Variants in SPTSSA observed in about 807,000 individuals in gnomAD.
SPTSSA encodes small subunit of serine palmitoyltransferase A.
SPTSSA carries 8 observed loss-of-function variants against 9.1 expected under a neutral mutation model. The observed-to-expected ratio is 0.88, with a 90% CI of 0.51 to 1.58. The LOEUF is 1.58. Ranked by LOEUF, SPTSSA falls within the 40% of genes most tolerant of loss-of-function variation. The pLI is 0.00. For synonymous variants in SPTSSA, 42 were observed against 37.7 expected, an observed-to-expected ratio of 1.11 and a Z score of -0.41; for missense variants, 100 against 93.8, an observed-to-expected ratio of 1.07 and a Z score of -0.27.
intron 1 of SPTSSA, among the ~76,000 whole-genome samples, chr14:34,448,665 A>G (rs1883467272): frequency 1.3e-5 from 2 of 152,174 alleles, no homozygotes; most frequent in Non-Finnish European, 1.5e-5. Context: ...GCCCACTTCC[A>G]TACTATGGAG....
intron 1 of SPTSSA, among the ~76,000 whole-genome samples, chr14:34,453,540 G>C (rs1883563090): frequency 6.6e-6 from 1 of 152,182 alleles, no homozygotes; most frequent in African/African-American, 2.4e-5. Context: ...GCAGCTTCCA[G>C]TGAAGCTGAG....
Position 34,462,236 on chromosome 14 carries a change from A to G in SPTSSA, c.-29T>C. 1.4e-6 allele frequency: 2 copies of G among 1,466,852 alleles called. No homozygotes were observed. The highest frequency in any genetic ancestry group is 1.8e-6 in the Non-Finnish European group (2 of 1,090,988). 90.9% of individuals were successfully genotyped at this position (1,466,852 alleles called of 1,614,324 possible). A position where few individuals can be genotyped will look rare whatever the true frequency, so the allele number is the denominator to read the frequency against. On this transcript the variant is annotated 5_prime_UTR_variant, in exon 1 of 2. Transcript: ENST00000298130. ...CCTCCCGCGATGCAGCTCACACGTC[A>G]GTCTGTCCGGCCGGCCGCCCGCTCA...
At chr14:34,436,624 G>A (rs1883245139) in intron 1 of SPTSSA, among the ~76,000 whole-genome samples, 2 of 152,116 alleles carry the variant, frequency 1.3e-5, no homozygotes, top group African/African-American at 4.8e-5. Flanking sequence ...TTGTATAACA[G>A]GTTAGTTGAC....
chr14:34,444,902 G>A (rs1278130595), intron 1 of SPTSSA, among the ~76,000 whole-genome samples: 2 of 151,780 alleles, frequency 1.3e-5, no homozygotes, highest in African/African-American at 4.8e-5. Flanking sequence ...GACCAGCCTG[G>A]CCAACATGGT....
chr14:34,443,171 G>GTGTGTGTGTGTGTGTGTGTGTGTT (rs775781106), intron 1 of SPTSSA, among the ~76,000 whole-genome samples: 1 of 62,094 alleles, frequency 1.6e-5, no homozygotes, highest in African/African-American at 1.6e-4. Context: ...GTGTGTGTGT[G>GTGTGTGTGTGTGTGTGTGTGTGTT]TTTTGAGATT....
chr14:34,451,602 A>T (rs868490391), intron 1 of SPTSSA, among the ~76,000 whole-genome samples: 1 of 151,730 alleles, frequency 6.6e-6, no homozygotes, highest in Non-Finnish European at 1.5e-5. Flanking sequence ...GGGCGCCTGT[A>T]GTCCCAGCTA....
At chr14:34,446,502 T>C (rs893653218) in intron 1 of SPTSSA, among the ~76,000 whole-genome samples, 3 of 152,220 alleles carry the variant, frequency 2.0e-5, no homozygotes, top group African/African-American at 7.2e-5. Flanking sequence ...TGGGTAATCT[T>C]ATACTTTGAC....
intron 1 of SPTSSA, among the ~76,000 whole-genome samples, chr14:34,452,570 C>A (rs530047117): frequency 6.6e-6 from 1 of 152,258 alleles, no homozygotes; most frequent in Admixed American, 6.5e-5. Flanking sequence ...AAACAAACAA[C>A]AAAGCATGCT....
rs1176259025 is a variant in SPTSSA, at chr14:34,440,957, ATT to A, written c.113-5655_113-5654del. Among the ~76,000 whole-genome samples the A allele has an allele frequency of 3.3e-5, 5 of 151,934 alleles. No homozygotes were observed. The East Asian group carries it at 9.6e-4, about 29-fold the overall frequency. ...GAACATTAAATTGTTAAGCTTTTAAATTTTTTACATGCCTATAAAAGCATGAT... is the reference window on the plus strand; with the variant it reads ...GAACATTAAATTGTTAAGCTTTTAAATTTTACATGCCTATAAAAGCATGAT... On this transcript the variant is annotated intron_variant, in intron 1 of 1. Coordinates refer to ENST00000298130, the MANE Select transcript of SPTSSA (RefSeq NM_138288.4).
chr14:34,455,552 AGG>A (rs1883604831), intron 1 of SPTSSA, among the ~76,000 whole-genome samples: 2 of 152,162 alleles, frequency 1.3e-5, no homozygotes, highest in African/African-American at 4.8e-5. Flanking sequence ...TTCAACCATA[AGG>A]ATGTATAATC....
At chr14:34,449,394 T>G (rs1025046642) in intron 1 of SPTSSA, among the ~76,000 whole-genome samples, 7 of 149,274 alleles carry the variant, frequency 4.7e-5, no homozygotes, top group African/African-American at 1.8e-4. Context: ...TACCCTGTCT[T>G]GAAAAAAAAC....
intron 1 of SPTSSA, among the ~76,000 whole-genome samples, chr14:34,457,157 T>C (rs1239829845): frequency 6.6e-6 from 1 of 151,866 alleles, no homozygotes; most frequent in Non-Finnish European, 1.5e-5. Flanking sequence ...TTTTTATTTT[T>C]AGTAGAGACA....
intron 1 of SPTSSA, among the ~76,000 whole-genome samples, chr14:34,442,552 G>A (rs965183684): frequency 6.6e-6 from 1 of 152,240 alleles, no homozygotes; most frequent in African/African-American, 2.4e-5. Context: ...CAGAGGTTCT[G>A]AGGTCTAATA....
In SPTSSA at chr14:34,434,099, T is replaced by G. The variant is rs1040423828; in HGVS notation, c.*1102A>C. On this transcript the variant is annotated 3_prime_UTR_variant, in exon 2 of 2. Coordinates refer to ENST00000298130, the MANE Select transcript of SPTSSA (RefSeq NM_138288.4). ...TATCTGGTCCTCCACAGAAAATAAT[T>G]CAGCAATATAAATACTAGATCAATA... The G allele has an allele frequency of 3.3e-5, 5 of 152,046 alleles. No homozygotes were observed. Among genetic ancestry groups the G allele is most frequent in the Admixed American group, 6.6e-5 (1 of 15,246 alleles). 9.4% of individuals were successfully genotyped at this position (152,046 alleles called of 1,614,324 possible). A position where few individuals can be genotyped will look rare whatever the true frequency, so the allele number is the denominator to read the frequency against.
At chr14:34,455,501 G>A (rs1392441142) in intron 1 of SPTSSA, among the ~76,000 whole-genome samples, 1 of 152,164 alleles carries the variant, frequency 6.6e-6, no homozygotes, top group Non-Finnish European at 1.5e-5. Flanking sequence ...GGGGTGGAAG[G>A]AAGACTGTGT....
chr14:34,441,982 T>TC (rs1883324264), intron 1 of SPTSSA, among the ~76,000 whole-genome samples: 1 of 152,114 alleles, frequency 6.6e-6, no homozygotes, highest in African/African-American at 2.4e-5. Context: ...TTCAAGCAGT[T>TC]CTCCTGCCTC....
chr14:34,441,774 C>A (rs757176683), intron 1 of SPTSSA, among the ~76,000 whole-genome samples: 1 of 152,158 alleles, frequency 6.6e-6, no homozygotes, highest in African/African-American at 2.4e-5. Context: ...TAAGGGGTTT[C>A]CATGTGGAGA....
At chr14:34,446,613 C>T (rs887121430) in intron 1 of SPTSSA, among the ~76,000 whole-genome samples, 1 of 152,154 alleles carries the variant, frequency 6.6e-6, no homozygotes, top group Non-Finnish European at 1.5e-5. Flanking sequence ...CCTCTTAACC[C>T]ACATCATGGG....
At chr14:34,441,531 C>T (rs760522893) in intron 1 of SPTSSA, among the ~76,000 whole-genome samples, 12 of 152,322 alleles carry the variant, frequency 7.9e-5, no homozygotes, top group East Asian at 1.9e-4. Flanking sequence ...TTGTTCATAA[C>T]GCCAAGAACC....
Sources: allele counts gnomAD v4.1 joint callset (sites outside exome capture counted in the v4.1 genomes callset), GRCh38; gene constraint gnomAD v4.1.1; transcripts MANE v1.5; gene names NCBI Gene and HGNC (gene_info 2026-07-23, HGNC 2026-07-21).